The following ENOPH1 variants were observed in gnomAD, a reference collection of about 807,000 sequenced individuals.
ENOPH1 encodes enolase-phosphatase E1.
ENOPH1 carries 14 observed loss-of-function variants against 31.1 expected under a neutral mutation model. The ratio of observed to expected loss-of-function variants is 0.45; its 90% confidence interval spans 0.30 to 0.70. The LOEUF (loss-of-function observed/expected upper bound fraction) is 0.70, where lower values mean the gene tolerates loss of function less well. Ranked by LOEUF, ENOPH1 falls within the 30% of genes least tolerant of loss-of-function variation. The pLI, the probability that ENOPH1 is intolerant of heterozygous loss-of-function variation, is 0.09. For missense variants in ENOPH1, 243 were observed against 321.5 expected (o/e 0.76, Z 1.87); for synonymous variants, 127 against 123.2 (o/e 1.03, Z -0.21).
chr4:82,450,906 G>A, intron 2 of ENOPH1, 137 bp from the exon 3 acceptor site: 2 of 643,812 alleles, frequency 3.1e-6, no homozygotes, highest in Non-Finnish European at 2.7e-6. Flanking sequence ...CAGCTCCAAA[G>A]TATATGATGT....
chr4:82,441,591 G>A lies in ENOPH1; in HGVS notation c.85-6329G>A, dbSNP rs533491591. Among the ~76,000 whole-genome samples, 18 of 152,160 alleles carry A rather than the reference G, an allele frequency of 1.2e-4. No homozygotes were observed. The East Asian group carries it at 2.5e-3, about 21-fold the overall frequency. On this transcript the variant is annotated intron_variant, in intron 1 of 5. Coordinates refer to ENST00000273920, the MANE Select transcript of ENOPH1 (RefSeq NM_021204.5). ...AGAGCTTGCAGTGAGCTGAGATGGC[G>A]CCACTGCACTCCAGCCTGGGCGACA...
rs188474365 is a variant in ENOPH1 at position 82,437,783 on chromosome 4, C to A, written c.84+6870C>A. On this transcript the variant is annotated intron_variant, in intron 1 of 5. Transcript: ENST00000273920. ...TCCTCAAGGGCAGAGACCAGAGCCT[C>A]ACACAGTGCTTACACATCAGGCATG... is the stretch of plus-strand genomic sequence containing the variant. 2.0e-5 allele frequency among the ~76,000 whole-genome samples: 3 copies of A among 152,310 alleles called. No individual in the cohort carries two copies. The East Asian group carries it at 5.8e-4, about 29-fold the overall frequency.
intron 1 of ENOPH1, among the ~76,000 whole-genome samples, chr4:82,444,880 T>C (rs1722140232): frequency 6.6e-6 from 1 of 152,226 alleles, no homozygotes; most frequent in South Asian, 2.1e-4. Flanking sequence ...TGTCATACTA[T>C]AGTATTCTGA....
chr4:82,443,698 A>G (rs1722102274), intron 1 of ENOPH1, among the ~76,000 whole-genome samples: 1 of 142,318 alleles, frequency 7.0e-6, no homozygotes, highest in Non-Finnish European at 1.6e-5. Context: ...ACTGCCCTCC[A>G]GCCTGGGACA....
chr4:82,443,847 CTTTTG>C (rs1560464867), intron 1 of ENOPH1, among the ~76,000 whole-genome samples: 1 of 151,678 alleles, frequency 6.6e-6, no homozygotes, highest in Non-Finnish European at 1.5e-5. Context: ...CCTTGGAGGG[CTTTTG>C]TTTTATTTAT....
chr4:82,443,296 G>C (rs1722088901), intron 1 of ENOPH1, among the ~76,000 whole-genome samples: 1 of 151,920 alleles, frequency 6.6e-6, no homozygotes, highest in Non-Finnish European at 1.5e-5. Flanking sequence ...AAATTAGCTG[G>C]GTATGGTGGC....
intron 3 of ENOPH1, among the ~76,000 whole-genome samples, chr4:82,453,453 T>C (rs909674800): frequency 6.6e-6 from 1 of 152,174 alleles, no homozygotes; most frequent in Admixed American, 6.5e-5. Flanking sequence ...GTGCACCCGG[T>C]AGTTAGCCCA....
intron 1 of ENOPH1, among the ~76,000 whole-genome samples, chr4:82,439,425 G>A (rs1256514038): frequency 1.3e-5 from 2 of 152,192 alleles, no homozygotes; most frequent in East Asian, 1.9e-4. Flanking sequence ...TTAAGCTTGT[G>A]TATACTTACT....
intron 4 of ENOPH1, 25 bp from the exon 5 acceptor site, chr4:82,456,890 A>C (rs368028342): frequency 8.4e-5 from 135 of 1,611,106 alleles, no homozygotes; most frequent in Non-Finnish European, 1.1e-4. Flanking sequence ...TTGTATTGCC[A>C]GTCTTTCCCC....
chr4:82,442,793 T>C (rs1485092316), intron 1 of ENOPH1, among the ~76,000 whole-genome samples: 1 of 152,168 alleles, frequency 6.6e-6, no homozygotes, highest in Non-Finnish European at 1.5e-5. Context: ...TTGTATGATG[T>C]GATTTATATT....
Position 82,430,775 on chromosome 4 carries a change from G to C in ENOPH1, c.-55G>C. 1 of 1,555,388 alleles carries C rather than the reference G, an allele frequency of 6.4e-7. No individual in the cohort carries two copies. The highest frequency in any genetic ancestry group is 1.4e-5 in the African/African-American group (1 of 73,734). Reference sequence around the variant, plus strand: ...ACCGGGGGCCGCAGCCGCAGCCGGCGCCGCCCTCCGCCCTCCCCAACAGCA... The same window carrying C: ...ACCGGGGGCCGCAGCCGCAGCCGGCCCCGCCCTCCGCCCTCCCCAACAGCA... On this transcript the variant is annotated 5_prime_UTR_variant, in exon 1 of 6. Transcript: ENST00000273920.
At chr4:82,446,631 GTTAT>G (rs1244224472) in intron 1 of ENOPH1, among the ~76,000 whole-genome samples, 1 of 135,078 alleles carries the variant, frequency 7.4e-6, no homozygotes, top group African/African-American at 2.7e-5. Context: ...TTACTGACAG[GTTAT>G]TTATTACTGA....
intron 2 of ENOPH1, among the ~76,000 whole-genome samples, chr4:82,448,522 A>T (rs1722258121): frequency 6.7e-6 from 1 of 149,126 alleles, no homozygotes; most frequent in Admixed American, 6.7e-5. Flanking sequence ...TCGGCCTCCC[A>T]AAGTGCTGGG....
intron 3 of ENOPH1, 86 bp from the exon 4 acceptor site, chr4:82,454,632 AAGAG>A: frequency 2.1e-6 from 3 of 1,430,394 alleles, no homozygotes; most frequent in Non-Finnish European, 9.4e-7. Context: ...TGTGGGCACA[AAGAG>A]AGAAACATAT....
At chr4:82,438,323 G>A (rs1721959832) in intron 1 of ENOPH1, among the ~76,000 whole-genome samples, 1 of 152,138 alleles carries the variant, frequency 6.6e-6, no homozygotes, top group African/African-American at 2.4e-5. Flanking sequence ...ACACAGTAAA[G>A]TCATACAGAT....
intron 1 of ENOPH1, among the ~76,000 whole-genome samples, chr4:82,443,352 C>A (rs1020203290): frequency 4.0e-5 from 6 of 149,200 alleles, no homozygotes; most frequent in African/African-American, 1.5e-4. Context: ...GTGGGAGGAT[C>A]ACCTGAGCCC....
At chr4:82,455,751 A>T (rs1174979780) in intron 4 of ENOPH1, among the ~76,000 whole-genome samples, 1 of 151,762 alleles carries the variant, frequency 6.6e-6, no homozygotes, top group East Asian at 1.9e-4. Context: ...GTGCCACTGC[A>T]CTCCAGCCTG....
Position 82,456,935 on chromosome 4 carries a change from T to C in ENOPH1, c.543T>C (p.Asp181=). The change falls in exon 5 of 6, where the codon GAT becomes GAC. Residue 181 remains aspartate (D), a synonymous_variant. Transcript: ENST00000273920. ...DILELVDGHF[D]TKIGHKVESE... ...TTCAGCTTGTTGATGGTCACTTTGA[T>C]ACCAAGATTGGACACAAAGTAGAGA... The C allele has an allele frequency of 6.2e-7, 1 of 1,614,064 alleles. No individual in the cohort carries two copies. The highest frequency in any genetic ancestry group is 8.5e-7 in the Non-Finnish European group (1 of 1,179,974).
chr4:82,431,194 CG>C (rs1560460775), intron 1 of ENOPH1, among the ~76,000 whole-genome samples: 4 of 152,196 alleles, frequency 2.6e-5, no homozygotes. Flanking sequence ...GCAGGTAAGC[CG>C]GGGCGGGGTG....
Sources: gnomAD v4.1 joint callset for allele counts (sites outside exome capture counted in the v4.1 genomes callset) on GRCh38, gnomAD v4.1.1 for gene constraint, MANE v1.5 for transcripts, NCBI Gene and HGNC (gene_info 2026-07-23, HGNC 2026-07-21) for gene names.